Variants in WNT2 observed in about 807,000 individuals in gnomAD.
The protein encoded by WNT2 is Wnt family member 2.
Under a neutral mutation model 36.9 loss-of-function variants are expected in WNT2, and 12 were observed. That is an observed-to-expected ratio of 0.33 (90% CI 0.21 to 0.53). The LOEUF is 0.53. WNT2 is among the 20% of genes least tolerant of loss of function. WNT2 has a pLI of 0.95. For missense variants in WNT2, 379 were observed against 473.1 expected (o/e 0.80, Z 1.84); for synonymous variants, 163 against 174.6 (o/e 0.93, Z 0.52).
At chr7:117,312,153 T>A (rs775754932) in intron 3 of WNT2, among the ~76,000 whole-genome samples, 1 of 151,982 alleles carries the variant, frequency 6.6e-6, no homozygotes, top group Admixed American at 6.6e-5. Context: ...AACTTTTTTG[T>A]TTGTTTGTTT....
In WNT2 at chr7:117,303,943, G is replaced by A. The variant is rs551183411; in HGVS notation, c.589-6067C>T. On this transcript the variant is annotated intron_variant, in intron 3 of 4. Transcript: ENST00000265441. The stretch of plus-strand genomic sequence containing the variant: ...TTACTGGGGGCAGCCACAGTCTTCC[G>A]TCCTCTTGTGCCAACCAGGACTGGC... Among the ~76,000 whole-genome samples, 14 of 152,236 alleles carry A rather than the reference G, an allele frequency of 9.2e-5. No homozygotes were observed. The South Asian group carries it at 1.9e-3, about 20-fold the overall frequency.
chr7:117,318,465 G>T (rs188604895), intron 2 of WNT2, among the ~76,000 whole-genome samples: 1 of 152,264 alleles, frequency 6.6e-6, no homozygotes, highest in Non-Finnish European at 1.5e-5. Flanking sequence ...GAGTACTGTG[G>T]CAAAGTATTC....
Position 117,315,065 on chromosome 7 carries a change from C to T in WNT2, c.588+6G>A, listed in dbSNP as rs1562831119. The T allele has an allele frequency of 6.2e-7, 1 of 1,613,446 alleles. No individual in the cohort carries two copies. Among genetic ancestry groups the T allele is most frequent in the Non-Finnish European group, 8.5e-7 (1 of 1,179,670 alleles). On this transcript the variant is annotated splice_donor_region_variant and intron_variant, in intron 3 of 4. Transcript: ENST00000265441. ...CTACAAAATGAGCACCGTTGCATTTCCATACCTTCCTGCCAGCTCTGTTGT... is the reference window on the plus strand; with the variant it reads ...CTACAAAATGAGCACCGTTGCATTTTCATACCTTCCTGCCAGCTCTGTTGT...
At position 117,315,470 on chromosome 7, in the gene WNT2, C is replaced by T. The variant is rs1359795452; in HGVS notation, c.311-122G>A. 3 of 1,033,412 alleles carry T rather than the reference C, an allele frequency of 2.9e-6. No individual in the cohort carries two copies. In the African/African-American group the frequency reaches 4.9e-5, roughly 17 times the overall value. 64.0% of individuals were successfully genotyped at this position (1,033,412 alleles called of 1,614,324 possible). ...ACCTTTGCCACTAGACAACAAGGTA[C>T]TGATATTCTTGAAGGGTTCTTTTCT... On this transcript the variant is annotated intron_variant, in intron 2 of 4. Coordinates refer to ENST00000265441, the MANE Select transcript of WNT2 (RefSeq NM_003391.3).
chr7:117,300,704 G>T (rs1437558345), intron 3 of WNT2, among the ~76,000 whole-genome samples: 1 of 152,234 alleles, frequency 6.6e-6, no homozygotes, highest in Non-Finnish European at 1.5e-5. Context: ...GGAGGCTGAG[G>T]TGGGAGGATC....
In WNT2 at chr7:117,315,285, C is replaced by T. The variant is rs1365920494; in HGVS notation, c.374G>A (p.Arg125Lys). The T allele has an allele frequency of 6.2e-7, 1 of 1,614,198 alleles. No individual in the cohort carries two copies. The highest frequency in any genetic ancestry group is 1.7e-5 in the Admixed American group (1 of 60,024). The change falls in exon 3 of 5, where the codon AGG becomes AAG. Residue 125 changes from arginine (R) to lysine (K), a missense_variant. Transcript: ENST00000265441. Reference sequence around the variant, plus strand: ...TTTTACTTCTCCTTGGCTACAGGCCCTGGTGATGGCAAATACAACTCCAGC... The same window carrying T: ...TTTTACTTCTCCTTGGCTACAGGCCTTGGTGATGGCAAATACAACTCCAGC... ...SSAGVVFAIT[R>K]ACSQGEVKSC...
At chr7:117,316,385 C>T (rs1795218486) in intron 2 of WNT2, among the ~76,000 whole-genome samples, 1 of 152,152 alleles carries the variant, frequency 6.6e-6, no homozygotes, top group African/African-American at 2.4e-5. Context: ...TTGTTATTAG[C>T]ATGCCCTTTT....
At chr7:117,293,140 AC>A (rs1295204665) in intron 4 of WNT2, among the ~76,000 whole-genome samples, 1 of 152,084 alleles carries the variant, frequency 6.6e-6, no homozygotes, top group Admixed American at 6.6e-5. Flanking sequence ...AAACAGAGAA[AC>A]TTATATAATT....
intron 3 of WNT2, among the ~76,000 whole-genome samples, chr7:117,299,881 T>C (rs1005111598): frequency 9.8e-5 from 15 of 152,298 alleles, no homozygotes; most frequent in African/African-American, 2.9e-4. Context: ...AATTTGCATA[T>C]TAATTTAAAA....
At chr7:117,279,181 A>T (rs1349780139) in intron 4 of WNT2, among the ~76,000 whole-genome samples, 1 of 152,252 alleles carries the variant, frequency 6.6e-6, no homozygotes, top group Non-Finnish European at 1.5e-5. Flanking sequence ...TTTGTTTCTG[A>T]AAAATAATTT....
intron 4 of WNT2, among the ~76,000 whole-genome samples, chr7:117,287,819 C>T (rs1359036865): frequency 6.6e-6 from 1 of 152,030 alleles, no homozygotes; most frequent in Non-Finnish European, 1.5e-5. Flanking sequence ...GAAACCCCAT[C>T]TCTACTAAAA....
intron 3 of WNT2, 122 bp downstream of exon 3, chr7:117,314,949 G>A (rs1217096831): frequency 1.4e-6 from 2 of 1,398,160 alleles, no homozygotes; most frequent in East Asian, 2.3e-5. Context: ...ATGGCTGGGG[G>A]ACAGTAGGAA....
At chr7:117,307,992 C>G (rs1347144930) in intron 3 of WNT2, among the ~76,000 whole-genome samples, 1 of 152,194 alleles carries the variant, frequency 6.6e-6, no homozygotes, top group African/African-American at 2.4e-5. Context: ...TAATATATTT[C>G]TGGTTCTATA....
intron 4 of WNT2, among the ~76,000 whole-genome samples, chr7:117,293,299 T>C (rs1329194732): frequency 6.6e-6 from 1 of 152,086 alleles, no homozygotes; most frequent in Non-Finnish European, 1.5e-5. Context: ...CAAGCTACCT[T>C]GGACAGGAAG....
chr7:117,283,644 G>A (rs1243262938), intron 4 of WNT2, among the ~76,000 whole-genome samples: 1 of 152,208 alleles, frequency 6.6e-6, no homozygotes, highest in African/African-American at 2.4e-5. Context: ...TGAACAGAAG[G>A]ATTGCTCAGT....
chr7:117,278,185 G>A lies in WNT2; in HGVS notation c.1053C>T (p.Pro351=). 6.2e-7 allele frequency: 1 copy of A among 1,614,222 alleles called. No homozygotes were observed. The highest frequency in any genetic ancestry group is 1.1e-5 in the South Asian group (1 of 91,090). The stretch of plus-strand genomic sequence containing the variant: ...TAGCGGTTGTCCAGTCAGCGTTCTT[G>A]GGGGCCTTGCATGTGTGCACATCCA... The part of the protein sequence containing the change: ...EALDVHTCKA[P]KNADWTTAT The change falls in exon 5 of 5, where the codon CCC becomes CCT. Residue 351 remains proline (P), a synonymous_variant. Transcript: ENST00000265441.
chr7:117,279,953 A>G (rs534543906), intron 4 of WNT2, among the ~76,000 whole-genome samples: 56 of 152,170 alleles, frequency 3.7e-4, no homozygotes, highest in African/African-American at 1.2e-3. Flanking sequence ...TCTGTTTATC[A>G]CAGTCCGCTC....
chr7:117,310,570 G>A lies in WNT2; in HGVS notation c.588+4501C>T, dbSNP rs1795102060. Among the ~76,000 whole-genome samples, 6 of 123,098 alleles carry A rather than the reference G, an allele frequency of 4.9e-5. No individual in the cohort carries two copies. In the South Asian group the frequency reaches 1.4e-3, roughly 28 times the overall value. 80.8% of individuals were successfully genotyped at this position (123,098 alleles called of 152,430 possible). ...CGCACTCCAGCCTGGGTAACAAAGC[G>A]AGACCCTGTCTCAAAAAAAAAAAAA... On this transcript the variant is annotated intron_variant, in intron 3 of 4. Coordinates refer to ENST00000265441, the MANE Select transcript of WNT2 (RefSeq NM_003391.3).
chr7:117,279,331 TA>T (rs1794439457), intron 4 of WNT2, among the ~76,000 whole-genome samples: 1 of 152,224 alleles, frequency 6.6e-6, no homozygotes, highest in Non-Finnish European at 1.5e-5. Flanking sequence ...TGATCCTTTC[TA>T]CTTCCTCCCC....
Sources: gnomAD v4.1 joint callset for allele counts (sites outside exome capture counted in the v4.1 genomes callset) on GRCh38, gnomAD v4.1.1 for gene constraint, MANE v1.5 for transcripts, NCBI Gene and HGNC (gene_info 2026-07-23, HGNC 2026-07-21) for gene names.